CUBN: variants seen among roughly 807,000 people sequenced by gnomAD.
CUBN encodes 460 kDa receptor.
A neutral mutation model predicts 405.3 loss-of-function variants in CUBN; 282 were observed. That is an observed-to-expected ratio of 0.70 (90% confidence interval 0.63 to 0.77). The LOEUF (loss-of-function observed/expected upper bound fraction) is 0.77. Among genes scored for constraint, CUBN ranks in the 30% least tolerant of loss-of-function variants. The pLI, the probability that CUBN is intolerant of heterozygous loss-of-function variation, is 0.00. For missense variants in CUBN, 4,514 were observed against 4,475.2 expected (o/e 1.01, Z -0.25); for synonymous variants, 1,684 against 1,617.0 (o/e 1.04, Z -0.99).
chr10:17,128,007 G>C (rs1211555409), intron 2 of CUBN, 83 bp from the exon 3 acceptor site: 4 of 976,634 alleles, frequency 4.1e-6, no homozygotes, highest in Admixed American at 1.9e-5. Context: ...TTAAAAACTT[G>C]AGTAGTATTC....
chr10:17,008,260 T>TGTGTG (rs1201084085), intron 28 of CUBN, among the ~76,000 whole-genome samples: 1 of 149,804 alleles, frequency 6.7e-6, no homozygotes, highest in African/African-American at 2.5e-5. Context: ...TGTGTGTGTG[T>TGTGTG]GTGTGTGGTG....
intron 27 of CUBN, among the ~76,000 whole-genome samples, chr10:17,028,044 G>A (rs183454097): frequency 8.6e-5 from 13 of 151,978 alleles, no homozygotes; most frequent in African/African-American, 1.4e-4. Flanking sequence ...AGGGACTGAC[G>A]GTTTCATGTA....
intron 29 of CUBN, among the ~76,000 whole-genome samples, chr10:16,988,284 T>G (rs1433174248): frequency 6.6e-6 from 1 of 152,202 alleles, no homozygotes; most frequent in Non-Finnish European, 1.5e-5. Context: ...TAAGGGGTCT[T>G]ATGCAACCAA....
intron 28 of CUBN, among the ~76,000 whole-genome samples, chr10:17,011,937 C>T (rs1380124225): frequency 6.6e-6 from 1 of 152,148 alleles, no homozygotes; most frequent in Non-Finnish European, 1.5e-5. Flanking sequence ...TCTTAATCCC[C>T]CCTCTAAACA....
chr10:16,978,937 C>G (rs184990525), intron 31 of CUBN, among the ~76,000 whole-genome samples: 6 of 152,246 alleles, frequency 3.9e-5, no homozygotes, highest in African/African-American at 1.2e-4. Context: ...ATTTAGAAAA[C>G]CCCATCGTCG....
At chr10:17,014,921 G>T (rs1834286845) in intron 28 of CUBN, among the ~76,000 whole-genome samples, 1 of 152,142 alleles carries the variant, frequency 6.6e-6, no homozygotes, top group South Asian at 2.1e-4. Flanking sequence ...ACAGAAGAAG[G>T]CATCCTTGAG....
chr10:17,051,047 T>C (rs1835253892), intron 22 of CUBN, among the ~76,000 whole-genome samples: 1 of 151,240 alleles, frequency 6.6e-6, no homozygotes, highest in Non-Finnish European at 1.5e-5. Flanking sequence ...CCCAAAACTA[T>C]TACAAATATT....
At chr10:16,852,606 A>T (rs1839750833) in intron 59 of CUBN, among the ~76,000 whole-genome samples, 1 of 152,208 alleles carries the variant, frequency 6.6e-6, no homozygotes, top group South Asian at 2.1e-4. Context: ...TTGCTGAAAG[A>T]AGTGGGAAAA....
intron 29 of CUBN, among the ~76,000 whole-genome samples, chr10:16,987,728 A>G (rs1417797032): frequency 6.6e-6 from 1 of 152,210 alleles, no homozygotes; most frequent in Non-Finnish European, 1.5e-5. Flanking sequence ...ACATGTTATC[A>G]GCAGCTAGGG....
intron 7 of CUBN, among the ~76,000 whole-genome samples, chr10:17,114,909 A>C (rs542867351): frequency 6.6e-6 from 1 of 152,302 alleles, no homozygotes; most frequent in Non-Finnish European, 1.5e-5. Context: ...AGGCCAAGAG[A>C]AGGTCTTATC....
chr10:17,035,092 TAAAC>T (rs1361071943), intron 27 of CUBN, among the ~76,000 whole-genome samples: 1 of 36,782 alleles, frequency 2.7e-5, no homozygotes, highest in African/African-American at 3.9e-5. Flanking sequence ...AAAAAAAAAA[TAAAC>T]AAATGAAAAC....
chr10:16,943,881 C>T (rs1327973517), intron 36 of CUBN, among the ~76,000 whole-genome samples: 1 of 152,008 alleles, frequency 6.6e-6, no homozygotes, highest in Non-Finnish European at 1.5e-5. Context: ...AAAGACATTC[C>T]GTTGGACATG....
chr10:17,124,511 C>T (rs1837124119), intron 4 of CUBN, among the ~76,000 whole-genome samples: 2 of 151,802 alleles, frequency 1.3e-5, no homozygotes, highest in East Asian at 3.9e-4. Context: ...TCACTGCAGG[C>T]GCTGCCTCCT....
At chr10:17,070,910 T>C (rs964926967) in intron 19 of CUBN, among the ~76,000 whole-genome samples, 3 of 152,166 alleles carry the variant, frequency 2.0e-5, no homozygotes, top group Admixed American at 6.5e-5. Context: ...TGAATAGAAG[T>C]AGTGAGAACA....
chr10:17,084,251 G>T lies in CUBN; in HGVS notation c.2301+20C>A, dbSNP rs748668669. On this transcript the variant is annotated intron_variant, in intron 17 of 66. Coordinates refer to ENST00000377833, the MANE Select transcript of CUBN (RefSeq NM_001081.4). ...ATGTTGATGAATGTCATCTAAGGGC[G>T]ATTGAGTAGTGAAAGTTACCTCAAT... The T allele has an allele frequency of 1.9e-6, 3 of 1,610,294 alleles. No individual in the cohort carries two copies. The highest frequency in any genetic ancestry group is 2.5e-6 in the Non-Finnish European group (3 of 1,176,976).
chr10:17,077,188 G>A (rs531507350), intron 17 of CUBN, among the ~76,000 whole-genome samples: 14 of 152,168 alleles, frequency 9.2e-5, no homozygotes, highest in Admixed American at 5.2e-4. Context: ...TGCCTTATTC[G>A]TCCAGGAAAC....
At position 16,907,553 on chromosome 10, in the gene CUBN, G is replaced by T; in HGVS notation, c.7660C>A (p.Pro2554Thr). Reference sequence around the variant, plus strand: ...TAGGAAGCAGTGAAGCCGCCATATGGCCTGGATCCATCCGTGAAAAAAATG... The same window carrying T: ...TAGGAAGCAGTGAAGCCGCCATATGTCCTGGATCCATCCGTGAAAAAAATG... ...KVIFFTDGSRPYGGFTASYTS... is the reference protein window; with the variant it reads ...KVIFFTDGSRTYGGFTASYTS... The change falls in exon 49 of 67, where the codon CCA (proline) becomes ACA (threonine). Residue 2554 changes from proline (P) to threonine (T), a missense_variant. Pro to Thr is a conservative substitution (Grantham distance 38). Coordinates refer to ENST00000377833, the MANE Select transcript of CUBN (RefSeq NM_001081.4). 1.9e-6 allele frequency: 3 copies of T among 1,614,122 alleles called. No individual in the cohort carries two copies. The highest frequency in any genetic ancestry group is 1.1e-5 in the South Asian group (1 of 91,082).
At chr10:16,866,651 A>C (rs1209034603) in intron 59 of CUBN, among the ~76,000 whole-genome samples, 1 of 152,216 alleles carries the variant, frequency 6.6e-6, no homozygotes, top group African/African-American at 2.4e-5. Context: ...TCAGAGTTTC[A>C]CAGATTGCTG....
chr10:17,000,863 T>C (rs1390525582), intron 28 of CUBN, among the ~76,000 whole-genome samples: 1 of 152,238 alleles, frequency 6.6e-6, no homozygotes, highest in African/African-American at 2.4e-5. Flanking sequence ...ATTATTGGGA[T>C]GAGACATGAG....
Sources: allele counts gnomAD v4.1 joint callset (sites outside exome capture counted in the v4.1 genomes callset), GRCh38; gene constraint gnomAD v4.1.1; transcripts MANE v1.5; gene names NCBI Gene and HGNC (gene_info 2026-07-23, HGNC 2026-07-21).